Variants in SYNE1 observed in about 807,000 individuals in gnomAD.
The protein encoded by SYNE1 is spectrin repeat containing nuclear envelope protein 1.
A neutral mutation model predicts 1,111.0 loss-of-function variants in SYNE1; 616 were observed. The ratio of observed to expected loss-of-function variants is 0.55; its 90% CI spans 0.52 to 0.59. SYNE1 has a LOEUF of 0.59. SYNE1 is among the 20% of genes least tolerant of loss of function. The probability of loss-of-function intolerance (pLI) is 0.00; values close to 1 mark genes in which losing one functional copy is unlikely to be tolerated. For missense variants in SYNE1, 10,006 were observed against 10,417.0 expected, an observed-to-expected ratio of 0.96 and a Z score of 1.72; for synonymous variants, 3,855 against 3,825.8, an observed-to-expected ratio of 1.01 and a Z score of -0.28.
At chr6:152,456,780 C>CAATGAGGTA (rs772199826) in intron 22 of SYNE1, 14 of 443,744 alleles carry the variant, frequency 3.2e-5, no homozygotes, top group South Asian at 2.2e-4. Flanking sequence ...TGAATTACAC[C>CAATGAGGTA]ATTTGCATTT....
chr6:152,189,012 T>TATATATAC, intron 128 of SYNE1, among the ~76,000 whole-genome samples: 1 of 112,608 alleles, frequency 8.9e-6, no homozygotes, highest in African/African-American at 3.7e-5. Context: ...TATATATATA[T>TATATATAC]ATATATAAAA....
intron 121 of SYNE1, among the ~76,000 whole-genome samples, chr6:152,217,350 T>G (rs546155152): frequency 6.9e-6 from 1 of 144,634 alleles, no homozygotes; most frequent in Non-Finnish European, 1.5e-5. Context: ...GAGCCGAGAT[T>G]GCACCACTGC....
intron 58 of SYNE1, 73 bp from the exon 59 acceptor site, chr6:152,373,292 T>C: frequency 1.4e-6 from 2 of 1,402,962 alleles, no homozygotes; most frequent in Admixed American, 2.4e-5. Context: ...TTTCTTTTTT[T>C]TTTTTGAGAT....
At chr6:152,168,338 G>A (rs926922020) in intron 130 of SYNE1, 6 of 595,550 alleles carry the variant, frequency 1.0e-5, no homozygotes, top group African/African-American at 1.9e-5. Context: ...GTCTCTGCCC[G>A]ATAACATGAC....
At chr6:152,247,780 CATATAT>C (rs1562485344) in intron 105 of SYNE1, among the ~76,000 whole-genome samples, 1 of 128,292 alleles carries the variant, frequency 7.8e-6, no homozygotes, top group African/African-American at 3.0e-5. Flanking sequence ...CACACACACA[CATATAT>C]TTTTAAAAAT....
chr6:152,491,353 T>C (rs1413760335), intron 11 of SYNE1, among the ~76,000 whole-genome samples: 3 of 152,138 alleles, frequency 2.0e-5, no homozygotes, highest in African/African-American at 7.2e-5. Flanking sequence ...CTTTGGCTGC[T>C]CACCCACATT....
chr6:152,601,967 C>T (rs560117469), intron 3 of SYNE1, among the ~76,000 whole-genome samples: 5 of 152,078 alleles, frequency 3.3e-5, no homozygotes, highest in Non-Finnish European at 1.5e-5. Context: ...GATGGTCTTG[C>T]CCCTGGGTCT....
At chr6:152,610,856 A>G (rs1399160536) in intron 3 of SYNE1, among the ~76,000 whole-genome samples, 3 of 152,334 alleles carry the variant, frequency 2.0e-5, no homozygotes, top group East Asian at 3.9e-4. Flanking sequence ...TCTTAAAGAA[A>G]AGAATTTTCA....
intron 84 of SYNE1, among the ~76,000 whole-genome samples, chr6:152,319,509 G>C (rs2095819890): frequency 6.6e-6 from 1 of 152,144 alleles, no homozygotes; most frequent in Non-Finnish European, 1.5e-5. Flanking sequence ...TCTATAGTAT[G>C]CCAACCAAGC....
At chr6:152,606,401 A>G (rs1043491381) in intron 3 of SYNE1, among the ~76,000 whole-genome samples, 11 of 152,280 alleles carry the variant, frequency 7.2e-5, no homozygotes, top group Admixed American at 7.2e-4. Flanking sequence ...TGTGGTTACA[A>G]CTTGATCGTA....
chr6:152,218,425 T>C (rs1239503588), intron 120 of SYNE1, 22 bp from the exon 121 acceptor site: 2 of 1,586,826 alleles, frequency 1.3e-6, no homozygotes, highest in Non-Finnish European at 1.7e-6. Flanking sequence ...CAAAAGAAAT[T>C]GGTATTTCAG....
intron 3 of SYNE1, among the ~76,000 whole-genome samples, chr6:152,600,230 G>A (rs556926123): frequency 2.0e-5 from 3 of 152,300 alleles, no homozygotes; most frequent in African/African-American, 7.2e-5. Flanking sequence ...CAGATGGCGA[G>A]AGGCTAAGGA....
At chr6:152,409,820 C>A in intron 42 of SYNE1, 111 bp from the exon 43 acceptor site, 1 of 1,133,060 alleles carries the variant, frequency 8.8e-7, no homozygotes, top group Non-Finnish European at 1.3e-6. Context: ...TACTCATAGA[C>A]GGATTCCTAC....
At chr6:152,329,088 C>A in intron 78 of SYNE1, among the ~76,000 whole-genome samples, 1 of 152,148 alleles carries the variant, frequency 6.6e-6, no homozygotes, top group East Asian at 1.9e-4. Flanking sequence ...TTGTACTATC[C>A]ATGTACTAAT....
intron 101 of SYNE1, among the ~76,000 whole-genome samples, chr6:152,260,147 G>A (rs754735185): frequency 8.5e-5 from 13 of 152,210 alleles, no homozygotes; most frequent in Non-Finnish European, 1.5e-4. Context: ...TAATACGCAA[G>A]CACAGAATCT....
At chr6:152,371,359 C>A (rs1326678611) in intron 59 of SYNE1, among the ~76,000 whole-genome samples, 1 of 151,788 alleles carries the variant, frequency 6.6e-6, no homozygotes, top group Non-Finnish European at 1.5e-5. Context: ...TTCCTGCCAC[C>A]ATATGAAGAA....
chr6:152,460,582 A>G (rs2098725925), intron 21 of SYNE1, among the ~76,000 whole-genome samples: 1 of 151,892 alleles, frequency 6.6e-6, no homozygotes, highest in Non-Finnish European at 1.5e-5. Context: ...TTCATTTATT[A>G]TAATCACTTC....
At chr6:152,439,674 G>A (rs575060383) in intron 32 of SYNE1, among the ~76,000 whole-genome samples, 1 of 152,176 alleles carries the variant, frequency 6.6e-6, no homozygotes, top group Non-Finnish European at 1.5e-5. Flanking sequence ...GTATGGGAGA[G>A]AGTGAAGCCT....
intron 95 of SYNE1, among the ~76,000 whole-genome samples, chr6:152,284,637 T>TA (rs35534457): frequency 7.1e-5 from 10 of 140,316 alleles, no homozygotes; most frequent in African/African-American, 2.4e-4. Flanking sequence ...TTTTTTTTTT[T>TA]ACTTTTTGTA....
Sources: gnomAD v4.1 joint callset for allele counts (sites outside exome capture counted in the v4.1 genomes callset) on GRCh38, gnomAD v4.1.1 for gene constraint, MANE v1.5 for transcripts, NCBI Gene and HGNC (gene_info 2026-07-23, HGNC 2026-07-21) for gene names.